The following TMEM40 variants were observed in gnomAD, a reference collection of about 807,000 sequenced individuals.
The protein encoded by TMEM40 is transmembrane protein 40.
TMEM40 carries 34 observed loss-of-function variants against 40.8 expected under a neutral mutation model. The observed-to-expected ratio is 0.83, with a 90% CI of 0.63 to 1.11. The LOEUF is 1.11. TMEM40 is among the 50% of genes least tolerant of loss of function. The probability of loss-of-function intolerance (pLI) is 0.00; values close to 1 mark genes in which losing one functional copy is unlikely to be tolerated. For missense variants in TMEM40, 296 were observed against 280.2 expected (o/e 1.06, Z -0.40); for synonymous variants, 106 against 107.0 (o/e 0.99, Z 0.06).
intron 11 of TMEM40, among the ~76,000 whole-genome samples, chr3:12,735,087 G>T (rs1240572017): frequency 6.6e-6 from 1 of 152,160 alleles, no homozygotes; most frequent in African/African-American, 2.4e-5. Flanking sequence ...CTTTCGCCCA[G>T]CCCAGCCACT....
At chr3:12,738,317 G>T in intron 6 of TMEM40, 149 bp from the exon 7 acceptor site, 1 of 1,035,290 alleles carries the variant, frequency 9.7e-7, no homozygotes. Flanking sequence ...ATTGATGGCT[G>T]GTTGGTTGTA....
At chr3:12,758,029 A>G (rs1426407668) in intron 1 of TMEM40, among the ~76,000 whole-genome samples, 1 of 151,860 alleles carries the variant, frequency 6.6e-6, no homozygotes, top group Non-Finnish European at 1.5e-5. Context: ...TAAAGGGTGA[A>G]TTTTATAGTA....
chr3:12,737,905 G>C (rs1035910746), intron 7 of TMEM40, 151 bp from the exon 8 acceptor site: 2 of 949,278 alleles, frequency 2.1e-6, no homozygotes, highest in African/African-American at 3.3e-5. Flanking sequence ...TGTGAAGATG[G>C]GGGTACTGTC....
Position 12,751,151 on chromosome 3 carries a change from C to G in TMEM40, c.-8-1311G>C, listed in dbSNP as rs539553763. Among the ~76,000 whole-genome samples, 61 of 151,610 alleles carry G rather than the reference C, an allele frequency of 4.0e-4. 1 individual carries two copies. The East Asian group carries it at 0.01, about 25-fold the overall frequency. On this transcript the variant is annotated intron_variant, in intron 1 of 11. Transcript: ENST00000314124. ...CTTATAGTATGTGAAAATGGCAGGACAGTCCTTAGCAGGGCCATTGTGAAT... is the reference window on the plus strand; with the variant it reads ...CTTATAGTATGTGAAAATGGCAGGAGAGTCCTTAGCAGGGCCATTGTGAAT...
At chr3:12,738,302 T>A in intron 6 of TMEM40, 134 bp from the exon 7 acceptor site, 1 of 1,074,724 alleles carries the variant, frequency 9.3e-7, no homozygotes, top group South Asian at 1.3e-5. Flanking sequence ...GGTATCCTTC[T>A]CTCTATTGAT....
At chr3:12,738,371 C>A (rs1311568065) in intron 6 of TMEM40, among the ~76,000 whole-genome samples, 182 bp downstream of exon 6, 2 of 152,342 alleles carry the variant, frequency 1.3e-5, no homozygotes, top group East Asian at 3.9e-4. Context: ...GCTCCCCAGG[C>A]TCCCTGCTTC....
chr3:12,760,154 C>A (rs2061558995), upstream of TMEM40, among the ~76,000 whole-genome samples: 1 of 152,212 alleles, frequency 6.6e-6, no homozygotes, highest in Admixed American at 6.5e-5. Flanking sequence ...CTTCTCTCCA[C>A]TCCTCAACTG....
chr3:12,749,468 C>T (rs190547653), intron 2 of TMEM40, among the ~76,000 whole-genome samples: 2 of 152,298 alleles, frequency 1.3e-5, no homozygotes, highest in East Asian at 3.9e-4. Flanking sequence ...TCTGGGGTCA[C>T]ACAGGACCCT....
upstream of TMEM40, among the ~76,000 whole-genome samples, chr3:12,763,091 C>T (rs989222535): frequency 3.8e-4 from 52 of 135,090 alleles, no homozygotes; most frequent in African/African-American, 1.1e-3. Context: ...ATCCGGGAGG[C>T]GGAGCTTGCA....
At chr3:12,738,369 G>T (rs1481059089) in intron 6 of TMEM40, among the ~76,000 whole-genome samples, 184 bp downstream of exon 6, 3 of 152,216 alleles carry the variant, frequency 2.0e-5, no homozygotes, top group Admixed American at 6.5e-5. Flanking sequence ...AAGCTCCCCA[G>T]GCTCCCTGCT....
chr3:12,766,807 G>A (rs2061596519), intron 1 of TMEM40, among the ~76,000 whole-genome samples: 1 of 152,148 alleles, frequency 6.6e-6, no homozygotes, highest in African/African-American at 2.4e-5. Flanking sequence ...GAGGGTAAAA[G>A]GACTTTCCCA....
At position 12,749,788 on chromosome 3, in the gene TMEM40, T is replaced by C. The variant is rs1464884197; in HGVS notation, c.45A>G (p.Gln15=). The C allele has an allele frequency of 6.2e-7, 1 of 1,614,002 alleles. No homozygotes were observed. The highest frequency in any genetic ancestry group is 8.5e-7 in the Non-Finnish European group (1 of 1,180,034). ...ASSSQPQDNS[Q]VHRETEDVDY... Reference sequence around the variant, plus strand: ...CTACATCTTCTGTTTCTCTGTGGACTTGACTGTTGTCCTGAGGCTGGGAGG... The same window carrying C: ...CTACATCTTCTGTTTCTCTGTGGACCTGACTGTTGTCCTGAGGCTGGGAGG... Residue 15 remains glutamine, a synonymous_variant, in exon 2 of 12, where the codon CAA becomes CAG. Transcript: ENST00000314124.
chr3:12,761,676 G>A (rs960654731), upstream of TMEM40, among the ~76,000 whole-genome samples: 1 of 152,062 alleles, frequency 6.6e-6, no homozygotes, highest in Non-Finnish European at 1.5e-5. Context: ...TGGAGAAGCT[G>A]TGAGGATCCA....
Position 12,736,565 on chromosome 3 carries a change from G to T in TMEM40, c.619+13C>A, listed in dbSNP as rs1003759928. 7.1e-6 allele frequency: 11 copies of T among 1,552,370 alleles called. No individual in the cohort carries two copies. The African/African-American group carries it at 1.5e-4, about 21-fold the overall frequency. On this transcript the variant is annotated intron_variant, in intron 10 of 11. Coordinates refer to ENST00000314124, the MANE Select transcript of TMEM40 (RefSeq NM_018306.4). ...GAGACTGTGTGTGTGTCCATGCTGG[G>T]GGAGGGGCTTACCTAGTCCGAAGTA... is the stretch of plus-strand genomic sequence containing the variant.
intron 1 of TMEM40, among the ~76,000 whole-genome samples, chr3:12,752,891 G>T (rs1325124663): frequency 6.6e-6 from 1 of 152,184 alleles, no homozygotes; most frequent in Non-Finnish European, 1.5e-5. Context: ...CTAAGCCCAT[G>T]CTGGGAGACT....
intron 6 of TMEM40, 51 bp from the exon 7 acceptor site, chr3:12,738,219 A>G: frequency 6.2e-7 from 1 of 1,608,368 alleles, no homozygotes; most frequent in Non-Finnish European, 8.5e-7. Flanking sequence ...GGGGTCCTTA[A>G]CAGGTGCCTC....
chr3:12,742,544 AAC>A, intron 4 of TMEM40, 37 bp from the exon 5 acceptor site: 2 of 1,609,412 alleles, frequency 1.2e-6, no homozygotes, highest in African/African-American at 2.7e-5. Context: ...GCACTCCCCA[AAC>A]ACAGTGATCC....
intron 5 of TMEM40, among the ~76,000 whole-genome samples, chr3:12,739,863 A>G (rs1244737328): frequency 6.6e-6 from 1 of 151,382 alleles, no homozygotes; most frequent in African/African-American, 2.4e-5. Context: ...TCTCTCTGTC[A>G]TCCAGGTTGC....
intron 1 of TMEM40, among the ~76,000 whole-genome samples, chr3:12,757,085 A>T (rs553936123): frequency 3.4e-4 from 52 of 152,286 alleles, no homozygotes; most frequent in African/African-American, 1.2e-3. Context: ...CTCAACATAC[A>T]GTGACAAATA....
Sources: gnomAD v4.1 joint callset for allele counts (sites outside exome capture counted in the v4.1 genomes callset) on GRCh38, gnomAD v4.1.1 for gene constraint, MANE v1.5 for transcripts, NCBI Gene and HGNC (gene_info 2026-07-23, HGNC 2026-07-21) for gene names.